Variants in BRSK2 observed in about 807,000 individuals in gnomAD.
BRSK2 encodes serine/threonine-protein kinase BRSK2.
BRSK2 carries 19 observed loss-of-function variants against 83.3 expected under a neutral mutation model. That is an observed-to-expected ratio of 0.23 (90% CI 0.16 to 0.33). The LOEUF is 0.33. Among genes scored for constraint, BRSK2 ranks in the 10% least tolerant of loss-of-function variants. The pLI, the probability that BRSK2 is intolerant of heterozygous loss-of-function variation, is 1.00. For synonymous variants in BRSK2, 519 were observed against 435.4 expected (o/e 1.19, Z -2.39); for missense variants, 798 against 1,042.3 (o/e 0.77, Z 3.23).
Position 1,449,802 on chromosome 11 carries a change from C to T in BRSK2, c.1253C>T (p.Ser418Leu). 1.2e-6 allele frequency: 2 copies of T among 1,612,294 alleles called. No homozygotes were observed. Among genetic ancestry groups the T allele is most frequent in the Non-Finnish European group, 1.7e-6 (2 of 1,179,562 alleles). The change falls in exon 13 of 20, where the codon TCA (serine) becomes TTA (leucine). Residue 418 changes from serine (S) to leucine (L), a missense_variant. Ser to Leu is a moderately radical substitution (Grantham distance 145). Around this residue, in one of 6 missense-constraint regions of BRSK2, gnomAD observed 455 missense variants for 455.2 expected, o/e 1.00. Transcript: ENST00000528841. ...TCTCGGTCCATCAGCGGTGCCTCCT[C>T]AGGCCTTTCCACCAGCCCACTCAGC... ...QRSRSISGASSGLSTSPLSSP... is the reference protein window; with the variant it reads ...QRSRSISGASLGLSTSPLSSP...
intron 8 of BRSK2, among the ~76,000 whole-genome samples, chr11:1,444,111 A>C (rs1851705999): frequency 6.6e-6 from 1 of 152,054 alleles, no homozygotes; most frequent in Non-Finnish European, 1.5e-5. Flanking sequence ...CTGTGTGCAC[A>C]TGTAGGTGAG....
At chr11:1,457,676 A>C (rs1316662701) in intron 18 of BRSK2, among the ~76,000 whole-genome samples, 1 of 152,054 alleles carries the variant, frequency 6.6e-6, no homozygotes, top group Non-Finnish European at 1.5e-5. Flanking sequence ...CCTGCATCTC[A>C]GCAGCTCCGT....
intron 1 of BRSK2, among the ~76,000 whole-genome samples, chr11:1,396,668 C>G (rs537843044): frequency 6.6e-6 from 1 of 152,260 alleles, no homozygotes; most frequent in Non-Finnish European, 1.5e-5. Context: ...CCAGTCCTCA[C>G]TGGGCACAGA....
chr11:1,418,188 G>A (rs1171418496), intron 1 of BRSK2, among the ~76,000 whole-genome samples: 27 of 138,028 alleles, frequency 2.0e-4, no homozygotes, highest in African/African-American at 7.0e-4. Flanking sequence ...TTGTGAGTGG[G>A]TCACCTGTGT....
intron 1 of BRSK2, 43 bp from the exon 2 acceptor site, chr11:1,435,997 G>C (rs12790345): frequency 1.3e-6 from 2 of 1,495,638 alleles, no homozygotes; most frequent in Non-Finnish European, 1.8e-6. Flanking sequence ...GCTCGCTGCA[G>C]GCACCCTGGG....
rs1424860106 is a variant in BRSK2 at position 1,450,662 on chromosome 11, A to G, written c.1363A>G (p.Ser455Gly). 5 of 1,608,668 alleles carry G rather than the reference A, an allele frequency of 3.1e-6. No individual in the cohort carries two copies. The highest frequency in any genetic ancestry group is 4.2e-6 in the Non-Finnish European group (5 of 1,178,502). ...GACACCTGTCCACACGCCAAAGGAG[A>G]GCCCGGCTGGCACGCCCAACCCCAC... ...KGTPVHTPKESPAGTPNPTPP... is the reference protein window; with the variant it reads ...KGTPVHTPKEGPAGTPNPTPP... Residue 455 changes from serine to glycine, a missense_variant, in exon 14 of 20, where the codon AGC becomes GGC. By Grantham distance (56) the Ser-to-Gly change is moderately conservative. Coordinates refer to ENST00000528841, the MANE Select transcript of BRSK2 (RefSeq NM_001256627.2).
intron 1 of BRSK2, among the ~76,000 whole-genome samples, chr11:1,429,129 GGT>G (rs897450396): frequency 4.7e-5 from 7 of 149,238 alleles, no homozygotes; most frequent in South Asian, 4.3e-4. Flanking sequence ...GTGTGCACTG[GGT>G]GTGTGTGCAC....
chr11:1,460,409 T>C, intron 19 of BRSK2, 91 bp from the exon 20 acceptor site: 1 of 973,440 alleles, frequency 1.0e-6, no homozygotes, highest in Non-Finnish European at 1.4e-6. Flanking sequence ...TTGTTCTCTT[T>C]CTCTCTCCTT....
chr11:1,461,333 C>T lies in BRSK2; in HGVS notation c.*610C>T, dbSNP rs376562492. ...GCACCTGGAGGCCTCCTCGCAGGCC[C>T]GTGCCCCGCCTCCCTGGCTGCGCCG... On this transcript the variant is annotated 3_prime_UTR_variant, in exon 20 of 20. Coordinates refer to ENST00000528841, the MANE Select transcript of BRSK2 (RefSeq NM_001256627.2). The T allele has an allele frequency of 9.1e-5, 35 of 385,284 alleles. No homozygotes were observed. The highest frequency in any genetic ancestry group is 7.4e-4 in the South Asian group (26 of 35,352). The allele number at this position is 385,284 out of a possible 1,614,324, so 23.9% of individuals were successfully genotyped here. A position where few individuals can be genotyped will look rare whatever the true frequency, so the allele number is the denominator to read the frequency against.
At chr11:1,437,579 C>T (rs1327856104) in intron 2 of BRSK2, among the ~76,000 whole-genome samples, 2 of 152,190 alleles carry the variant, frequency 1.3e-5, no homozygotes, top group Non-Finnish European at 2.9e-5. Flanking sequence ...GGGACAGTAC[C>T]AGCTGGGAGC....
At chr11:1,422,073 T>C (rs1298344664) in intron 1 of BRSK2, among the ~76,000 whole-genome samples, 2 of 151,924 alleles carry the variant, frequency 1.3e-5, no homozygotes, top group African/African-American at 2.4e-5. Context: ...GGCTGCATCA[T>C]CGGGTGTATT....
intron 15 of BRSK2, among the ~76,000 whole-genome samples, chr11:1,452,010 C>T (rs967794090): frequency 5.3e-5 from 8 of 152,126 alleles, no homozygotes; most frequent in Admixed American, 4.6e-4. Flanking sequence ...CCACGATGGC[C>T]TCAGTCACTG....
chr11:1,406,021 G>A (rs571435464), intron 1 of BRSK2, among the ~76,000 whole-genome samples: 11 of 152,182 alleles, frequency 7.2e-5, no homozygotes, highest in African/African-American at 2.6e-4. Context: ...ACGGAGACAG[G>A]AACCTCCCAA....
chr11:1,454,692 G>A lies in BRSK2; in HGVS notation c.1668+84G>A. 5.2e-6 allele frequency: 8 copies of A among 1,544,406 alleles called. No individual in the cohort carries two copies. The highest frequency in any genetic ancestry group is 7.1e-6 in the Non-Finnish European group (8 of 1,133,244). On this transcript the variant is annotated intron_variant, in intron 16 of 19. Coordinates refer to ENST00000528841, the MANE Select transcript of BRSK2 (RefSeq NM_001256627.2). This position sits in a 1 kb window ranked among gnomAD's most constrained non-coding sequence, Gnocchi z 5.2. ...CCCGAGAATCCAGCCTCCTCACGTA[G>A]ACAGGACATGTCCACGCGCACAGCA...
intron 1 of BRSK2, among the ~76,000 whole-genome samples, chr11:1,414,020 C>T (rs1847838501): frequency 6.6e-6 from 1 of 152,236 alleles, no homozygotes; most frequent in African/African-American, 2.4e-5. Flanking sequence ...TCATGTGATC[C>T]CCAGGGATAT....
intron 16 of BRSK2, among the ~76,000 whole-genome samples, chr11:1,456,057 AG>A (rs1846489488): frequency 6.6e-6 from 1 of 152,118 alleles, no homozygotes; most frequent in African/African-American, 2.4e-5. Flanking sequence ...TTTGCCCTTA[AG>A]GCTCCTCTGT....
rs567538205 is a variant in BRSK2 at position 1,461,296 on chromosome 11, C to A, written c.*573C>A. The A allele has an allele frequency of 4.3e-6, 2 of 464,368 alleles. No homozygotes were observed. The highest frequency in any genetic ancestry group is 2.5e-5 in the South Asian group (1 of 40,672). The allele number at this position is 464,368 out of a possible 1,614,324, so 28.8% of individuals were successfully genotyped here. ...AGCCACAGGAACAGGCCCCGTCCACCGCCTCCACGCCGCACCTGGAGGCCT... is the reference window on the plus strand; with the variant it reads ...AGCCACAGGAACAGGCCCCGTCCACAGCCTCCACGCCGCACCTGGAGGCCT... On this transcript the variant is annotated 3_prime_UTR_variant, in exon 20 of 20. Transcript: ENST00000528841.
At chr11:1,395,159 C>T (rs1488373155) in intron 1 of BRSK2, among the ~76,000 whole-genome samples, 1 of 152,218 alleles carries the variant, frequency 6.6e-6, no homozygotes, top group Non-Finnish European at 1.5e-5. Context: ...CCCTGGCCAT[C>T]TGACCCCAGC....
intron 1 of BRSK2, among the ~76,000 whole-genome samples, chr11:1,424,759 G>A (rs1280857800): frequency 6.6e-6 from 1 of 151,962 alleles, no homozygotes; most frequent in Non-Finnish European, 1.5e-5. Flanking sequence ...GCAGGGCCCT[G>A]TGGAGCCTGC....
Sources: allele counts gnomAD v4.1 joint callset (sites outside exome capture counted in the v4.1 genomes callset), GRCh38; gene constraint gnomAD v4.1.1; regional missense constraint gnomAD v4.1.1; non-coding constraint Gnocchi (gnomAD v3.1); transcripts MANE v1.5; gene names NCBI Gene and HGNC (gene_info 2026-07-23, HGNC 2026-07-21).